Variants in NAV3 observed in about 807,000 individuals in gnomAD.
NAV3 encodes neuron navigator 3.
NAV3 carries 87 observed loss-of-function variants against 244.7 expected under a neutral mutation model. The ratio of observed to expected loss-of-function variants is 0.36; its 90% CI spans 0.30 to 0.42. The LOEUF is 0.42. Ranked by LOEUF, NAV3 falls within the 20% of genes least tolerant of loss-of-function variation. The pLI, the probability that NAV3 is intolerant of heterozygous loss-of-function variation, is 1.00. For synonymous variants in NAV3, 1,126 were observed against 1,042.2 expected, an observed-to-expected ratio of 1.08 and a Z score of -1.55; for missense variants, 2,663 against 2,893.3, an observed-to-expected ratio of 0.92 and a Z score of 1.83.
At chr12:77,925,996 G>A (rs1888179544) in intron 1 of NAV3, among the ~76,000 whole-genome samples, 1 of 152,144 alleles carries the variant, frequency 6.6e-6, no homozygotes, top group Non-Finnish European at 1.5e-5. Context: ...AAAGAAAGTT[G>A]TTGAAAAAAC....
At chr12:77,660,125 A>G (rs959221559) in intron 2 of NAV3, among the ~76,000 whole-genome samples, 5 of 152,126 alleles carry the variant, frequency 3.3e-5, no homozygotes, top group Admixed American at 6.5e-5. Flanking sequence ...TAAAAAAAAA[A>G]GAATATGAGA....
chr12:77,707,263 G>C (rs143614785), intron 2 of NAV3, among the ~76,000 whole-genome samples: 1,389 of 138,822 alleles, frequency 0.01, 20 homozygotes, highest in Non-Finnish European at 0.016. Flanking sequence ...CTGTGTCCAA[G>C]TGTTCTCATT....
At position 77,913,098 on chromosome 12, in the gene NAV3, A is replaced by T. The variant is rs531107004; in HGVS notation, c.244-27221A>T. ...ACATGAAAAAAATGCATGGTGAAAA[A>T]ATTCTTAATGTAGCATACTTGGCCC... On this transcript the variant is annotated intron_variant, in intron 1 of 39. Coordinates refer to ENST00000397909, the MANE Select transcript of NAV3 (RefSeq NM_001024383.2). Among the ~76,000 whole-genome samples the T allele has an allele frequency of 2.0e-5, 3 of 152,082 alleles. No homozygotes were observed. The East Asian group carries it at 5.9e-4, about 30-fold the overall frequency.
chr12:77,618,561 ATGT>A lies in NAV3; in HGVS notation c.72+46299_72+46301del, dbSNP rs539167389. On this transcript the variant is annotated intron_variant, in intron 2 of 8. Transcript: ENST00000550042. ...GATATGTGGAAAGTATCAAATTAAAATGTTGTATAACTAAATACTATCAAATTT... is the reference window on the plus strand; with the variant it reads ...GATATGTGGAAAGTATCAAATTAAAATGTATAACTAAATACTATCAAATTT... Among the ~76,000 whole-genome samples the A allele has an allele frequency of 3.7e-4, 56 of 152,332 alleles. 1 individual carries two copies. In the Middle Eastern group the frequency reaches 0.01, roughly 28 times the overall value.
intron 2 of NAV3, among the ~76,000 whole-genome samples, chr12:77,619,307 A>G (rs1032014688): frequency 5.9e-5 from 9 of 152,156 alleles, no homozygotes; most frequent in African/African-American, 2.2e-4. Flanking sequence ...ATGTCCATCA[A>G]TAGTATTTTT....
intron 15 of NAV3, among the ~76,000 whole-genome samples, 167 bp from the exon 16 acceptor site, chr12:78,121,773 T>C (rs1955678942): frequency 6.6e-6 from 1 of 152,170 alleles, no homozygotes; most frequent in Non-Finnish European, 1.5e-5. Flanking sequence ...TTTTCTGCAC[T>C]TGATAAAGAA....
chr12:78,190,424 A>C (rs1351534931), intron 34 of NAV3, among the ~76,000 whole-genome samples: 1 of 152,024 alleles, frequency 6.6e-6, no homozygotes, highest in East Asian at 1.9e-4. Flanking sequence ...TTCAGTTATC[A>C]GGTACTCCCT....
chr12:77,734,981 A>G (rs1877277651), intron 2 of NAV3, among the ~76,000 whole-genome samples: 1 of 152,200 alleles, frequency 6.6e-6, no homozygotes, highest in Non-Finnish European at 1.5e-5. Context: ...TTCACCAAGG[A>G]CAAGATGAAG....
chr12:77,643,272 G>T (rs191982158), intron 2 of NAV3, among the ~76,000 whole-genome samples: 66 of 152,012 alleles, frequency 4.3e-4, no homozygotes, highest in Admixed American at 4.0e-3. Context: ...AACCTAAGAA[G>T]CAAGCAGTGT....
intron 2 of NAV3, among the ~76,000 whole-genome samples, chr12:77,753,014 C>G (rs940400345): frequency 6.6e-6 from 1 of 152,102 alleles, no homozygotes; most frequent in Non-Finnish European, 1.5e-5. Flanking sequence ...AACTCCATGA[C>G]CTGAAGGTGC....
At chr12:77,625,660 A>G (rs998229795) in intron 2 of NAV3, among the ~76,000 whole-genome samples, 7 of 152,204 alleles carry the variant, frequency 4.6e-5, no homozygotes. Context: ...AGCCTAAGCT[A>G]CTGAGAAACA....
chr12:77,996,188 T>A (rs913804307), intron 6 of NAV3, among the ~76,000 whole-genome samples: 3 of 152,166 alleles, frequency 2.0e-5, no homozygotes, highest in Admixed American at 1.3e-4. Context: ...TGTGTGTGAG[T>A]TTGGAATGAA....
At chr12:77,840,530 G>C (rs1875459975) in intron 1 of NAV3, among the ~76,000 whole-genome samples, 1 of 152,040 alleles carries the variant, frequency 6.6e-6, no homozygotes, top group Non-Finnish European at 1.5e-5. Context: ...ATAGATGTTT[G>C]GATTAAGCTA....
chr12:77,761,582 A>G (rs1253880542), intron 2 of NAV3, among the ~76,000 whole-genome samples: 1 of 152,234 alleles, frequency 6.6e-6, no homozygotes, highest in Non-Finnish European at 1.5e-5. Context: ...ATTTACAAGA[A>G]AAAAACAAAC....
chr12:77,943,873 G>C (rs1007937843), intron 3 of NAV3, among the ~76,000 whole-genome samples: 4 of 152,080 alleles, frequency 2.6e-5, no homozygotes, highest in African/African-American at 9.7e-5. Flanking sequence ...TGTTAAACTT[G>C]CTACCCTTTA....
intron 30 of NAV3, among the ~76,000 whole-genome samples, chr12:78,183,626 G>A (rs1487042807): frequency 6.6e-6 from 1 of 151,966 alleles, no homozygotes; most frequent in Non-Finnish European, 1.5e-5. Flanking sequence ...GCAAAGAATA[G>A]TTATTCACTC....
chr12:78,210,677 A>C lies in NAV3; in HGVS notation c.*160A>C. On this transcript the variant is annotated 3_prime_UTR_variant, in exon 40 of 40. Coordinates refer to ENST00000397909, the MANE Select transcript of NAV3 (RefSeq NM_001024383.2). The stretch of plus-strand genomic sequence containing the variant: ...GCAGCAGAACTAAGTCTGAACCGCC[A>C]AGATGCTAAATTGCAATGGAAGCTT... 1.3e-6 allele frequency: 1 copy of C among 748,966 alleles called. No individual in the cohort carries two copies. Among genetic ancestry groups the C allele is most frequent in the African/African-American group, 1.8e-5 (1 of 56,052 alleles). 46.4% of individuals were successfully genotyped at this position (748,966 alleles called of 1,614,324 possible).
chr12:77,910,897 A>G (rs1886514941), intron 1 of NAV3, among the ~76,000 whole-genome samples: 1 of 152,158 alleles, frequency 6.6e-6, no homozygotes, highest in African/African-American at 2.4e-5. Flanking sequence ...AACCTAAAAC[A>G]TGAAGATACT....
intron 2 of NAV3, among the ~76,000 whole-genome samples, chr12:77,752,958 A>C (rs10506760): frequency 0.039 from 5,873 of 152,208 alleles, 375 homozygotes; most frequent in African/African-American, 0.13. Flanking sequence ...TAACTTACTA[A>C]GCCAAAGATA....
Sources: gnomAD v4.1 joint callset for allele counts (sites outside exome capture counted in the v4.1 genomes callset) on GRCh38, gnomAD v4.1.1 for gene constraint, MANE v1.5 for transcripts, NCBI Gene and HGNC (gene_info 2026-07-23, HGNC 2026-07-21) for gene names.